Variants in ZNF804B observed in about 807,000 individuals in gnomAD.
ZNF804B encodes zinc finger 804B.
ZNF804B carries 80 observed loss-of-function variants against 101.4 expected under a neutral mutation model. The observed-to-expected ratio is 0.79, with a 90% confidence interval of 0.66 to 0.95. ZNF804B has a LOEUF of 0.95. Among genes scored for constraint, ZNF804B ranks in the 40% least tolerant of loss-of-function variants. The pLI is 0.00. For missense variants in ZNF804B, 1,673 were observed against 1,561.9 expected, an observed-to-expected ratio of 1.07 and a Z score of -1.20; for synonymous variants, 622 against 558.8, an observed-to-expected ratio of 1.11 and a Z score of -1.59.
intron 2 of ZNF804B, among the ~76,000 whole-genome samples, chr7:89,274,235 G>A (rs540128803): frequency 2.1e-5 from 3 of 141,776 alleles, no homozygotes; most frequent in Non-Finnish European, 4.6e-5. Flanking sequence ...ATGTATACAT[G>A]TGCCATGCTG....
At chr7:89,244,301 TTA>T (rs1378836073) in intron 2 of ZNF804B, among the ~76,000 whole-genome samples, 1 of 152,074 alleles carries the variant, frequency 6.6e-6, no homozygotes, top group African/African-American at 2.4e-5. Context: ...ATTATGATGA[TTA>T]TATATAGATG....
chr7:88,825,928 CTATTT>C (rs2115770848), intron 1 of ZNF804B, among the ~76,000 whole-genome samples: 1 of 152,162 alleles, frequency 6.6e-6, no homozygotes, highest in African/African-American at 2.4e-5. Context: ...CAAATAGTTC[CTATTT>C]TATTTGTACA....
At chr7:88,780,556 T>C (rs954404732) in intron 1 of ZNF804B, among the ~76,000 whole-genome samples, 1 of 151,720 alleles carries the variant, frequency 6.6e-6, no homozygotes, top group African/African-American at 2.4e-5. Flanking sequence ...CCTGGCTAAT[T>C]TTTGATTTTT....
intron 1 of ZNF804B, among the ~76,000 whole-genome samples, chr7:89,115,656 A>G (rs1374651002): frequency 6.6e-6 from 1 of 152,228 alleles, no homozygotes; most frequent in Non-Finnish European, 1.5e-5. Context: ...GAACTTCTCT[A>G]TGTATACTTC....
At chr7:89,068,024 T>G (rs2116292542) in intron 1 of ZNF804B, among the ~76,000 whole-genome samples, 1 of 151,030 alleles carries the variant, frequency 6.6e-6, no homozygotes, top group East Asian at 2.0e-4. Flanking sequence ...TTTAAAAGTT[T>G]AAACAAGATA....
At chr7:89,284,044 T>G (rs183344849) in intron 2 of ZNF804B, among the ~76,000 whole-genome samples, 1 of 152,142 alleles carries the variant, frequency 6.6e-6, no homozygotes, top group Non-Finnish European at 1.5e-5. Flanking sequence ...ATGTAAAAAT[T>G]TATCAAAATG....
chr7:89,241,967 G>C (rs2115765516), intron 2 of ZNF804B, among the ~76,000 whole-genome samples: 1 of 150,488 alleles, frequency 6.6e-6, no homozygotes, highest in South Asian at 2.1e-4. Context: ...TCTTCTCCAG[G>C]CTTTTCCTAC....
At chr7:89,016,774 T>A (rs1241079715) in intron 1 of ZNF804B, among the ~76,000 whole-genome samples, 1 of 152,326 alleles carries the variant, frequency 6.6e-6, no homozygotes, top group East Asian at 1.9e-4. Context: ...GGTAGTGTGA[T>A]GCCTCCAGCT....
At chr7:88,848,218 G>A (rs1027532038) in intron 1 of ZNF804B, among the ~76,000 whole-genome samples, 1 of 152,126 alleles carries the variant, frequency 6.6e-6, no homozygotes, top group African/African-American at 2.4e-5. Flanking sequence ...ATAACATCAA[G>A]GTTGAGAAAT....
Position 88,801,708 on chromosome 7 carries a change from A to G in ZNF804B, c.108+41624A>G, listed in dbSNP as rs1790589239. 3.9e-5 allele frequency among the ~76,000 whole-genome samples: 6 copies of G among 152,236 alleles called. No homozygotes were observed. The South Asian group carries it at 1.2e-3, about 32-fold the overall frequency. On this transcript the variant is annotated intron_variant, in intron 1 of 3. Transcript: ENST00000333190. Reference sequence around the variant, plus strand: ...CTAAGTGAAGAAAAAATTTTAAAAAAGAAACAAAATTACTGACAAACATTT... The same window carrying G: ...CTAAGTGAAGAAAAAATTTTAAAAAGGAAACAAAATTACTGACAAACATTT...
chr7:89,102,227 C>A (rs1790066297), intron 1 of ZNF804B, among the ~76,000 whole-genome samples: 1 of 151,928 alleles, frequency 6.6e-6, no homozygotes, highest in South Asian at 2.1e-4. Context: ...AGTTCTATTG[C>A]TAGTTCTTTG....
chr7:89,101,274 C>T (rs772319437), intron 1 of ZNF804B, among the ~76,000 whole-genome samples: 6 of 151,892 alleles, frequency 4.0e-5, no homozygotes, highest in Admixed American at 6.6e-5. Context: ...TGCATATCAC[C>T]AATTTGGCGA....
chr7:89,205,420 T>C (rs551146563), intron 1 of ZNF804B, among the ~76,000 whole-genome samples: 53 of 152,322 alleles, frequency 3.5e-4, no homozygotes, highest in African/African-American at 1.3e-3. Flanking sequence ...CTTTCACCTA[T>C]GATCCTGTAA....
chr7:89,156,307 G>C (rs1429418916), intron 1 of ZNF804B, among the ~76,000 whole-genome samples: 1 of 151,890 alleles, frequency 6.6e-6, no homozygotes, highest in Non-Finnish European at 1.5e-5. Context: ...TAGAGACGGG[G>C]TTTCTCCATG....
chr7:88,982,518 AT>A (rs1275736937), intron 1 of ZNF804B, among the ~76,000 whole-genome samples: 2 of 152,088 alleles, frequency 1.3e-5, no homozygotes, highest in African/African-American at 4.8e-5. Context: ...TCTCTTTGGC[AT>A]GCAGATGGCT....
At chr7:88,857,455 C>A (rs1437915775) in intron 1 of ZNF804B, among the ~76,000 whole-genome samples, 1 of 152,114 alleles carries the variant, frequency 6.6e-6, no homozygotes, top group South Asian at 2.1e-4. Context: ...CACAGAAATA[C>A]AAACTACCAT....
At chr7:89,058,013 G>C (rs565611556) in intron 1 of ZNF804B, among the ~76,000 whole-genome samples, 1 of 152,050 alleles carries the variant, frequency 6.6e-6, no homozygotes, top group Non-Finnish European at 1.5e-5. Context: ...AAAGAGAAAC[G>C]TTCCAGAGTC....
intron 1 of ZNF804B, among the ~76,000 whole-genome samples, chr7:89,147,568 C>T (rs1325451749): frequency 6.6e-6 from 1 of 151,904 alleles, no homozygotes; most frequent in Non-Finnish European, 1.5e-5. Flanking sequence ...AGCAGTGGTC[C>T]CCATGCCCTG....
chr7:89,031,318 G>T (rs569431365), intron 1 of ZNF804B, among the ~76,000 whole-genome samples: 3 of 149,868 alleles, frequency 2.0e-5, no homozygotes, highest in African/African-American at 7.4e-5. Flanking sequence ...TACCCTTTGC[G>T]CACGGCCCCT....
Sources: gnomAD v4.1 joint callset for allele counts (sites outside exome capture counted in the v4.1 genomes callset) on GRCh38, gnomAD v4.1.1 for gene constraint, MANE v1.5 for transcripts, NCBI Gene and HGNC (gene_info 2026-07-23, HGNC 2026-07-21) for gene names.